DBF4B: variants seen among roughly 807,000 people sequenced by gnomAD.
DBF4B encodes the protein protein DBF4 homolog B.
Under a neutral mutation model 53.4 loss-of-function variants are expected in DBF4B, and 49 were observed. The ratio of observed to expected loss-of-function variants is 0.92; its 90% CI spans 0.73 to 1.16. The LOEUF is 1.16. Among genes scored for constraint, DBF4B ranks in the 50% most tolerant of loss-of-function variants. The pLI, the probability that DBF4B is intolerant of heterozygous loss-of-function variation, is 0.00. For synonymous variants in DBF4B, 257 were observed against 288.7 expected, an observed-to-expected ratio of 0.89 and a Z score of 1.11; for missense variants, 692 against 775.0, an observed-to-expected ratio of 0.89 and a Z score of 1.27.
chr17:44,750,341 T>G, intron 13 of DBF4B: 1 of 1,290,716 alleles, frequency 7.7e-7, no homozygotes, highest in Non-Finnish European at 9.8e-7. Context: ...ATGTTGAAGC[T>G]TCCGGAAGCC....
At position 44,738,406 on chromosome 17, in the gene DBF4B, A is replaced by G. The variant is rs755376548; in HGVS notation, c.695A>G (p.Lys232Arg). 59 of 1,613,720 alleles carry G rather than the reference A, an allele frequency of 3.7e-5. No homozygotes were observed. The highest frequency in any genetic ancestry group is 8.8e-5 in the South Asian group (8 of 91,038). Residue 232 changes from lysine (K) to arginine (R), a missense_variant, in exon 9 of 14, where the codon AAA (lysine) becomes AGA (arginine). Physicochemically the swap from Lys to Arg is conservative, Grantham distance 26. Around this residue, in one of 3 missense-constraint regions of DBF4B, gnomAD observed 597 missense variants for 665.8 expected, o/e 0.90. Transcript: ENST00000315005. ...KVARLKAPFL[K>R]IEDESRKFRP... ...GCCAGACTGAAGGCCCCGTTCCTCA[A>G]AATCGAAGATGAAAGCAGGTGAGTG...
chr17:44,735,768 A>T (rs1598827526), intron 7 of DBF4B, among the ~76,000 whole-genome samples: 1 of 152,066 alleles, frequency 6.6e-6, no homozygotes, highest in Non-Finnish European at 1.5e-5. Flanking sequence ...GCTTCTTTGG[A>T]TTGTGTTTGC....
chr17:44,728,263 C>A (rs1974531210), intron 3 of DBF4B, among the ~76,000 whole-genome samples: 1 of 152,102 alleles, frequency 6.6e-6, no homozygotes, highest in African/African-American at 2.4e-5. Flanking sequence ...AGGCAGGAAG[C>A]TAAGGCCTCT....
At chr17:44,708,889 G>T (rs1972608623) in intron 1 of DBF4B, 50 bp downstream of exon 1, 2 of 1,547,754 alleles carry the variant, frequency 1.3e-6, no homozygotes, top group South Asian at 1.2e-5. Context: ...GTCGTTAATA[G>T]CTGAGGCGAG....
intron 13 of DBF4B, chr17:44,748,969 C>T (rs561488247): frequency 8.2e-4 from 1,059 of 1,289,894 alleles, no homozygotes; most frequent in Non-Finnish European, 9.9e-4. Context: ...GGCCACACAG[C>T]CCTCCTGGCT....
At chr17:44,732,432 A>G in intron 6 of DBF4B, 167 bp downstream of exon 6, 1 of 749,862 alleles carries the variant, frequency 1.3e-6, no homozygotes, top group East Asian at 2.7e-5. Context: ...GAAGGGGGAA[A>G]GCGGTGAGGA....
chr17:44,714,351 TAAG>T lies in DBF4B; in HGVS notation c.82+4986_82+4988del, dbSNP rs1973150655. 2.0e-5 allele frequency among the ~76,000 whole-genome samples: 3 copies of T among 152,292 alleles called. No individual in the cohort carries two copies. In the South Asian group the frequency reaches 6.2e-4, roughly 32 times the overall value. ...AAATAATACTTTTGAAAATGAAGTA[TAAG>T]TTTGGGGAGCCCCACAGCAATATTT... On this transcript the variant is annotated intron_variant, in intron 2 of 13. Transcript: ENST00000315005.
intron 10 of DBF4B, among the ~76,000 whole-genome samples, chr17:44,743,595 T>C (rs1056968048): frequency 3.4e-5 from 5 of 147,114 alleles, no homozygotes; most frequent in Admixed American, 3.4e-4. Context: ...GCATAGTCAA[T>C]ACTGTATGAT....
rs372769416 is a variant in DBF4B, at chr17:44,738,336, A to C, written c.668-43A>C. On this transcript the variant is annotated intron_variant, in intron 8 of 13. Coordinates refer to ENST00000315005, the MANE Select transcript of DBF4B (RefSeq NM_145663.3). ...TGCATGTGTGGTGCAGGCCCTGCAC[A>C]GGGGCAGACAGATAGCTGATGTGTG... is the stretch of plus-strand genomic sequence containing the variant. 1.9e-5 allele frequency: 31 copies of C among 1,599,692 alleles called. No individual in the cohort carries two copies. The African/African-American group carries it at 2.8e-4, about 15-fold the overall frequency.
chr17:44,717,647 T>G (rs987573025), intron 2 of DBF4B, among the ~76,000 whole-genome samples: 2 of 149,150 alleles, frequency 1.3e-5, no homozygotes, highest in African/African-American at 5.0e-5. Flanking sequence ...AGGCAGAGGT[T>G]GGACTGAGCC....
At position 44,715,786 on chromosome 17, in the gene DBF4B, T is replaced by C. The variant is rs1249059475; in HGVS notation, c.82+6420T>C. Among the ~76,000 whole-genome samples the C allele has an allele frequency of 2.0e-5, 3 of 150,766 alleles. No individual in the cohort carries two copies. The East Asian group carries it at 5.8e-4, about 29-fold the overall frequency. On this transcript the variant is annotated intron_variant, in intron 2 of 13. Transcript: ENST00000315005. ...TCTATTTCCTCTTCTTTTTTCTGTT[T>C]GTTAGCCTAATTTCTTTCTTTCTTT...
rs139301545 is a variant in DBF4B at position 44,708,910 on chromosome 17, G to T, written c.19+71G>T. The T allele has an allele frequency of 2.9e-4, 450 of 1,539,354 alleles. 1 individual carries two copies. In the African/African-American group the frequency reaches 5.1e-3, roughly 18 times the overall value. Reference sequence around the variant, plus strand: ...AATAGCTGAGGCGAGGTGCGGAGTCGTGGAGGGGGCTTAGGAAGTGACCAG... The same window carrying T: ...AATAGCTGAGGCGAGGTGCGGAGTCTTGGAGGGGGCTTAGGAAGTGACCAG... On this transcript the variant is annotated intron_variant, in intron 1 of 13. Transcript: ENST00000315005.
At chr17:44,731,343 C>G (rs1210526201) in intron 5 of DBF4B, 1 of 297,780 alleles carries the variant, frequency 3.4e-6, no homozygotes, top group African/African-American at 2.2e-5. Flanking sequence ...GGTGTGGTGG[C>G]TCACGCCTAT....
chr17:44,723,875 C>T (rs1974063411), intron 3 of DBF4B, among the ~76,000 whole-genome samples: 1 of 152,156 alleles, frequency 6.6e-6, no homozygotes, highest in Non-Finnish European at 1.5e-5. Context: ...CTTCGGGAGG[C>T]TGAGGAGGAC....
chr17:44,743,526 C>T (rs1390331557), intron 10 of DBF4B, among the ~76,000 whole-genome samples: 1 of 151,914 alleles, frequency 6.6e-6, no homozygotes, highest in Non-Finnish European at 1.5e-5. Context: ...GTGCCTCACC[C>T]CTGCCAAATG....
At chr17:44,746,777 C>T (rs538889619) in intron 10 of DBF4B, among the ~76,000 whole-genome samples, 1 of 151,440 alleles carries the variant, frequency 6.6e-6, no homozygotes, top group African/African-American at 2.4e-5. Flanking sequence ...CAAGATCGCA[C>T]CACTGCACTC....
At chr17:44,711,341 T>C (rs1972847205) in intron 2 of DBF4B, among the ~76,000 whole-genome samples, 1 of 152,054 alleles carries the variant, frequency 6.6e-6, no homozygotes, top group South Asian at 2.1e-4. Flanking sequence ...GACAAGAACT[T>C]GCTCTGTTAC....
intron 13 of DBF4B, 62 bp from the exon 14 acceptor site, chr17:44,750,533 A>T: frequency 6.6e-7 from 1 of 1,517,878 alleles, no homozygotes; most frequent in South Asian, 1.3e-5. Context: ...AAATTTGTTA[A>T]TTACAAATAG....
In DBF4B at chr17:44,744,097, G is replaced by GA. The variant is rs1352244584; in HGVS notation, c.830+2645_830+2646insA. Among the ~76,000 whole-genome samples, 77 of 21,976 alleles carry GA rather than the reference G, an allele frequency of 3.5e-3. 2 individuals carry two copies. The highest frequency in any genetic ancestry group is 4.8e-3 in the Non-Finnish European group (60 of 12,466). The allele number at this position is 21,976 out of a possible 152,430, so 14.4% of individuals were successfully genotyped here. ...AATGAGACCACCCCCCCCCCCCCCC[G>GA]CCCATCTCTATTTTTATATTTTTAA... On this transcript the variant is annotated intron_variant, in intron 10 of 13. Transcript: ENST00000315005.
Sources: gnomAD v4.1 joint callset for allele counts (sites outside exome capture counted in the v4.1 genomes callset) on GRCh38, gnomAD v4.1.1 for gene constraint, gnomAD v4.1.1 regional missense constraint, MANE v1.5 for transcripts, NCBI Gene and HGNC (gene_info 2026-07-23, HGNC 2026-07-21) for gene names.